EML4: variants seen among roughly 807,000 people sequenced by gnomAD.
EML4 encodes EMAP like 4, also known as echinoderm microtubule-associated protein-like 4.
Under a neutral mutation model 129.0 loss-of-function variants are expected in EML4, and 72 were observed. The ratio of observed to expected loss-of-function variants is 0.56; its 90% CI spans 0.46 to 0.68. The LOEUF is 0.68. Among genes scored for constraint, EML4 ranks in the 30% least tolerant of loss-of-function variants. EML4 has a pLI of 0.00. For missense variants in EML4, 1,363 were observed against 1,190.6 expected (o/e 1.14, Z -2.13); for synonymous variants, 532 against 405.0 (o/e 1.31, Z -3.77).
Position 42,303,393 on chromosome 2 carries a change from G to T in EML4, c.1846G>T (p.Val616Leu). 3 of 1,613,978 alleles carry T rather than the reference G, an allele frequency of 1.9e-6. No individual in the cohort carries two copies. Among genetic ancestry groups the T allele is most frequent in the Non-Finnish European group, 2.5e-6 (3 of 1,179,840 alleles). The change falls in exon 16 of 23, where the codon GTG becomes TTG. Residue 616 changes from valine (V) to leucine (L), a missense_variant. Physicochemically the swap from Val to Leu is conservative, Grantham distance 32. Coordinates refer to ENST00000318522, the MANE Select transcript of EML4 (RefSeq NM_019063.5). ...CTTGACATGTGCTCAGGACAGGCAG[G>T]TGTGCCTGTGGAACTCAATGGAACA... ...LLLTCAQDRQVCLWNSMEHRL... is the reference protein window; with the variant it reads ...LLLTCAQDRQLCLWNSMEHRL...
chr2:42,179,287 T>C (rs1033206809), intron 1 of EML4, among the ~76,000 whole-genome samples: 68 of 150,358 alleles, frequency 4.5e-4, no homozygotes, highest in Non-Finnish European at 6.4e-4. Flanking sequence ...TTTAATATTA[T>C]AAAGACAAAG....
At chr2:42,308,717 A>G (rs1472085932) in intron 17 of EML4, among the ~76,000 whole-genome samples, 8 of 152,140 alleles carry the variant, frequency 5.3e-5, no homozygotes, top group Non-Finnish European at 1.2e-4. Context: ...GGAATCCTGT[A>G]CCCATTAATA....
At chr2:42,215,551 A>G (rs887172746) in intron 1 of EML4, among the ~76,000 whole-genome samples, 2 of 149,348 alleles carry the variant, frequency 1.3e-5, no homozygotes, top group African/African-American at 2.4e-5. Context: ...TTAAGAAGCA[A>G]AAAAAAAAAA....
chr2:42,244,969 A>G (rs1216464728), intron 1 of EML4, among the ~76,000 whole-genome samples: 1 of 152,044 alleles, frequency 6.6e-6, no homozygotes, highest in African/African-American at 2.4e-5. Flanking sequence ...AATTGTCACC[A>G]TTTTAATGAT....
At chr2:42,199,513 T>C (rs2103951120) in intron 1 of EML4, among the ~76,000 whole-genome samples, 1 of 152,330 alleles carries the variant, frequency 6.6e-6, no homozygotes, top group South Asian at 2.1e-4. Flanking sequence ...ATATGTGTGC[T>C]GCAATAGAAA....
At chr2:42,180,560 C>T (rs949663245) in intron 1 of EML4, among the ~76,000 whole-genome samples, 5 of 152,202 alleles carry the variant, frequency 3.3e-5, no homozygotes, top group African/African-American at 1.2e-4. Flanking sequence ...CCTGTCTTTG[C>T]AACCTTTACC....
At chr2:42,219,379 G>A (rs569857552) in intron 1 of EML4, among the ~76,000 whole-genome samples, 1 of 152,214 alleles carries the variant, frequency 6.6e-6, no homozygotes, top group African/African-American at 2.4e-5. Context: ...GAGTATGCCC[G>A]GACTTGGTAT....
chr2:42,256,510 G>A lies in EML4; in HGVS notation c.218G>A (p.Ser73Asn). 1 of 1,598,914 alleles carries A rather than the reference G, an allele frequency of 6.3e-7. No individual in the cohort carries two copies. The highest frequency in any genetic ancestry group is 8.5e-7 in the Non-Finnish European group (1 of 1,172,280). Reference sequence around the variant, plus strand: ...CCTTAATTATCTTTAGGCCAACCAAGCCCTCGAGCAGTTATTCCCATGTCC... The same window carrying A: ...CCTTAATTATCTTTAGGCCAACCAAACCCTCGAGCAGTTATTCCCATGTCC... ...KKSVSSKGQP[S>N]PRAVIPMSCI... Residue 73 changes from serine (S) to asparagine (N), a missense_variant, in exon 3 of 23, where the codon AGC (serine) becomes AAC (asparagine). Transcript: ENST00000318522.
intron 13 of EML4, among the ~76,000 whole-genome samples, chr2:42,296,431 C>A (rs941424571): frequency 2.0e-5 from 3 of 152,002 alleles, no homozygotes; most frequent in African/African-American, 7.2e-5. Flanking sequence ...TGTCCTTTCT[C>A]TTGTTCATTC....
chr2:42,260,054 A>G (rs1488182420), intron 3 of EML4, among the ~76,000 whole-genome samples: 1 of 149,220 alleles, frequency 6.7e-6, no homozygotes, highest in Admixed American at 6.7e-5. Context: ...TTAAAGAGAC[A>G]GAGTCTCACT....
rs569836332 is a variant in EML4, at chr2:42,292,918, C to G, written c.1219-2207C>G. Among the ~76,000 whole-genome samples the G allele has an allele frequency of 9.9e-5, 15 of 152,030 alleles. 1 individual carries two copies. The highest frequency in any genetic ancestry group is 3.1e-4 in the African/African-American group (13 of 41,498). On this transcript the variant is annotated intron_variant, in intron 11 of 22. Coordinates refer to ENST00000318522, the MANE Select transcript of EML4 (RefSeq NM_019063.5). ...GAATATTTGTAGTTAGTTTTACAAC[C>G]CTTTGATTATCTTAATTTGGCCTAA...
chr2:42,301,186 C>T, intron 13 of EML4, 55 bp from the exon 14 acceptor site: 1 of 1,512,824 alleles, frequency 6.6e-7, no homozygotes, highest in African/African-American at 1.4e-5. Flanking sequence ...CAAATAGACA[C>T]TAAAATCTGA....
intron 17 of EML4, among the ~76,000 whole-genome samples, chr2:42,308,586 GAAAT>G (rs1558598738): frequency 6.6e-6 from 1 of 152,130 alleles, no homozygotes; most frequent in South Asian, 2.1e-4. Context: ...CCCCAAAAAA[GAAAT>G]AAAAAATAAT....
At chr2:42,313,103 C>A (rs1045619587) in intron 17 of EML4, among the ~76,000 whole-genome samples, 9 of 151,974 alleles carry the variant, frequency 5.9e-5, no homozygotes, top group African/African-American at 2.2e-4. Context: ...CGCCTGCTAC[C>A]ATGCCTGGCT....
At chr2:42,215,679 G>T (rs1224822374) in intron 1 of EML4, among the ~76,000 whole-genome samples, 1 of 152,120 alleles carries the variant, frequency 6.6e-6, no homozygotes, top group Admixed American at 6.5e-5. Context: ...TTAAAAGTAA[G>T]TTGCGGGTAC....
chr2:42,264,115 T>TTTG (rs1665914671), intron 5 of EML4, among the ~76,000 whole-genome samples: 1 of 143,522 alleles, frequency 7.0e-6, no homozygotes, highest in Non-Finnish European at 1.5e-5. Context: ...TTTTTTTTTT[T>TTTG]TTTTTTTTTT....
At chr2:42,255,654 T>A (rs527313850) in intron 2 of EML4, among the ~76,000 whole-genome samples, 87 of 152,152 alleles carry the variant, frequency 5.7e-4, no homozygotes, top group Non-Finnish European at 9.4e-4. Context: ...AAAAAAAAAA[T>A]TTCTTAAGAG....
chr2:42,195,725 T>C (rs1671862994), intron 1 of EML4, among the ~76,000 whole-genome samples: 1 of 152,200 alleles, frequency 6.6e-6, no homozygotes, highest in South Asian at 2.1e-4. Context: ...ATCTTGTTGA[T>C]TATATTTGGT....
intron 1 of EML4, among the ~76,000 whole-genome samples, chr2:42,190,195 G>A (rs2103894947): frequency 6.6e-6 from 1 of 152,302 alleles, no homozygotes; most frequent in East Asian, 1.9e-4. Flanking sequence ...GTGTGTATGT[G>A]TTATCTATAT....
Sources: gnomAD v4.1 joint callset for allele counts (sites outside exome capture counted in the v4.1 genomes callset) on GRCh38, gnomAD v4.1.1 for gene constraint, MANE v1.5 for transcripts, NCBI Gene and HGNC (gene_info 2026-07-23, HGNC 2026-07-21) for gene names.